SLC5A8: variants seen among roughly 807,000 people sequenced by gnomAD.
SLC5A8 encodes solute carrier family 5 member 8, also known as sodium-coupled monocarboxylate transporter 1.
SLC5A8 carries 55 observed loss-of-function variants against 71.9 expected under a neutral mutation model. The observed-to-expected ratio is 0.77, with a 90% CI of 0.62 to 0.96. SLC5A8 has a LOEUF of 0.96. SLC5A8 is among the 40% of genes least tolerant of loss of function. The pLI is 0.00. For synonymous variants in SLC5A8, 307 were observed against 276.1 expected, an observed-to-expected ratio of 1.11 and a Z score of -1.11; for missense variants, 701 against 745.3, an observed-to-expected ratio of 0.94 and a Z score of 0.69.
chr12:101,166,025 A>G (rs2051766649), intron 12 of SLC5A8, among the ~76,000 whole-genome samples: 2 of 152,208 alleles, frequency 1.3e-5, no homozygotes, highest in African/African-American at 4.8e-5. Flanking sequence ...CACAGCTGCA[A>G]TCACTTCTAA....
Position 101,205,386 on chromosome 12 carries a change from C to A in SLC5A8, c.352-821G>T, listed in dbSNP as rs143251727. Among the ~76,000 whole-genome samples, 295 of 152,268 alleles carry A rather than the reference C, an allele frequency of 1.9e-3. 3 individuals carry two copies. Among genetic ancestry groups the A allele is most frequent in the African/African-American group, 6.7e-3 (278 of 41,544 alleles). Reference sequence around the variant, plus strand: ...CAATTTTTCCTATTCTACTTGAAATCTGCTATGTCTTATAACATAGTCTGC... The same window carrying A: ...CAATTTTTCCTATTCTACTTGAAATATGCTATGTCTTATAACATAGTCTGC... On this transcript the variant is annotated intron_variant, in intron 1 of 14. Transcript: ENST00000536262.
chr12:101,184,265 A>T, intron 7 of SLC5A8, 43 bp from the exon 8 acceptor site: 1 of 1,467,520 alleles, frequency 6.8e-7, no homozygotes, highest in South Asian at 1.2e-5. Flanking sequence ...TTCGCTACTG[A>T]ATAAAATTAA....
At chr12:101,168,489 T>A (rs537806402) in intron 10 of SLC5A8, among the ~76,000 whole-genome samples, 1 of 152,330 alleles carries the variant, frequency 6.6e-6, no homozygotes, top group South Asian at 2.1e-4. Context: ...ATACCTCTCC[T>A]CTTAGCATTG....
At chr12:101,159,478 T>TA (rs913136399) in intron 13 of SLC5A8, among the ~76,000 whole-genome samples, 21 of 152,186 alleles carry the variant, frequency 1.4e-4, no homozygotes, top group African/African-American at 4.3e-4. Flanking sequence ...ACCAAGTCTG[T>TA]AAGGCCTGAA....
chr12:101,185,914 T>C (rs1868617239), intron 7 of SLC5A8, among the ~76,000 whole-genome samples: 1 of 152,106 alleles, frequency 6.6e-6, no homozygotes, highest in Admixed American at 6.6e-5. Context: ...CACTGTCTTA[T>C]TTGCATGGTA....
intron 3 of SLC5A8, among the ~76,000 whole-genome samples, chr12:101,195,420 T>TACA (rs1869126612): frequency 3.3e-5 from 5 of 152,190 alleles, no homozygotes; most frequent in African/African-American, 1.2e-4. Flanking sequence ...GGCGTTTATA[T>TACA]TGTAATTAAG....
rs1869859490 is a variant in SLC5A8 at position 101,209,919 on chromosome 12, A to G, written c.-71T>C. 1 of 1,360,276 alleles carries G rather than the reference A, an allele frequency of 7.4e-7. No homozygotes were observed. Among genetic ancestry groups the G allele is most frequent in the Non-Finnish European group, 9.7e-7 (1 of 1,028,268 alleles). The allele number at this position is 1,360,276 out of a possible 1,614,324, so 84.3% of individuals were successfully genotyped here. ...GGCGCGCAGCCGGAGCCCGGCGCGCACTTCTTATCCCGGATCCCTGGCGCG... is the reference window on the plus strand; with the variant it reads ...GGCGCGCAGCCGGAGCCCGGCGCGCGCTTCTTATCCCGGATCCCTGGCGCG... On this transcript the variant is annotated 5_prime_UTR_variant, in exon 1 of 15. Transcript: ENST00000536262.
chr12:101,178,620 T>C (rs1051665338), intron 10 of SLC5A8, among the ~76,000 whole-genome samples: 20 of 152,180 alleles, frequency 1.3e-4, no homozygotes, highest in Admixed American at 1.1e-3. Context: ...GAAAAGAGAA[T>C]GTCAACCTAA....
At chr12:101,205,678 A>T (rs1566326929) in intron 1 of SLC5A8, among the ~76,000 whole-genome samples, 1 of 152,146 alleles carries the variant, frequency 6.6e-6, no homozygotes, top group Non-Finnish European at 1.5e-5. Flanking sequence ...TCCTCCCAAC[A>T]ACTCTATGAG....
chr12:101,158,610 ATATATATATATATATATATATATG>A (rs2051696547), intron 13 of SLC5A8, among the ~76,000 whole-genome samples: 1 of 85,476 alleles, frequency 1.2e-5, no homozygotes, highest in Non-Finnish European at 2.3e-5. Context: ...ATATATATAT[ATATATATATATATATATATATATG>A]TATCATATAT....
chr12:101,158,143 C>T (rs2051684724), intron 14 of SLC5A8, 106 bp downstream of exon 14: 4 of 808,586 alleles, frequency 4.9e-6, no homozygotes, highest in Non-Finnish European at 8.4e-6. Context: ...GGGTCTATAC[C>T]TTCCTTGTCC....
At chr12:101,195,255 A>G (rs887629910) in intron 3 of SLC5A8, 93 bp from the exon 4 acceptor site, 7 of 1,349,586 alleles carry the variant, frequency 5.2e-6, no homozygotes, top group Admixed American at 1.9e-5. Context: ...TATATCATTT[A>G]TCAGGCACCT....
intron 10 of SLC5A8, among the ~76,000 whole-genome samples, chr12:101,178,525 C>G (rs1156635386): frequency 1.3e-5 from 2 of 152,076 alleles, no homozygotes; most frequent in African/African-American, 4.8e-5. Flanking sequence ...ACAAATATGC[C>G]TAATGGACGT....
intron 12 of SLC5A8, among the ~76,000 whole-genome samples, chr12:101,163,732 G>A (rs2673680): frequency 0.061 from 9,348 of 152,310 alleles, 406 homozygotes; most frequent in South Asian, 0.092. Flanking sequence ...ACATTGAGTT[G>A]AGCTAATGAA....
intron 2 of SLC5A8, among the ~76,000 whole-genome samples, chr12:101,203,440 T>C (rs1377462596): frequency 6.6e-6 from 1 of 152,170 alleles, no homozygotes; most frequent in Non-Finnish European, 1.5e-5. Flanking sequence ...TTCTGCCTCC[T>C]GGGTTCAAGT....
rs117609267 is a variant in SLC5A8, at chr12:101,162,580, C to A, written c.1527-503G>T. On this transcript the variant is annotated intron_variant, in intron 12 of 14. Transcript: ENST00000536262. ...TGCAGCCATGAAAAAAGAACAAAAT[C>A]ATGTCCTTTTCAGCAACATGGATGC... 3.1e-3 allele frequency among the ~76,000 whole-genome samples: 470 copies of A among 152,294 alleles called. 6 individuals are homozygous for A. Among genetic ancestry groups the A allele is most frequent in the Non-Finnish European group, 4.5e-3 (305 of 68,016 alleles).
At position 101,156,963 on chromosome 12, in the gene SLC5A8, C is replaced by T. The variant is rs184417905; in HGVS notation, c.*316G>A. 3.3e-4 allele frequency: 73 copies of T among 223,654 alleles called. No homozygotes were observed. The highest frequency in any genetic ancestry group is 1.6e-3 in the African/African-American group (69 of 44,206). 13.9% of individuals were successfully genotyped at this position (223,654 alleles called of 1,614,324 possible). A position where few individuals can be genotyped will look rare whatever the true frequency, so the allele number is the denominator to read the frequency against. ...AATAATACCCAAATTTAAGAATATA[C>T]CTTTGACAATCAAATACATGTGCAT... On this transcript the variant is annotated 3_prime_UTR_variant, in exon 15 of 15. Coordinates refer to ENST00000536262, the MANE Select transcript of SLC5A8 (RefSeq NM_145913.5).
At chr12:101,170,559 A>G (rs1036903143) in intron 10 of SLC5A8, among the ~76,000 whole-genome samples, 3 of 152,136 alleles carry the variant, frequency 2.0e-5, no homozygotes, top group Non-Finnish European at 4.4e-5. Flanking sequence ...ACAGGCAAAA[A>G]AACTTTAAAA....
chr12:101,204,866 C>T (rs1355216528), intron 1 of SLC5A8, among the ~76,000 whole-genome samples: 2 of 152,304 alleles, frequency 1.3e-5, no homozygotes, highest in Admixed American at 6.5e-5. Flanking sequence ...GCCCTCTTCT[C>T]CCCCGCCAAA....
Sources: gnomAD v4.1 joint callset for allele counts (sites outside exome capture counted in the v4.1 genomes callset) on GRCh38, gnomAD v4.1.1 for gene constraint, MANE v1.5 for transcripts, NCBI Gene and HGNC (gene_info 2026-07-23, HGNC 2026-07-21) for gene names.